Variants in WASF2 observed in about 807,000 individuals in gnomAD.
WASF2 encodes the protein actin-binding protein WASF2.
Under a neutral mutation model 45.0 loss-of-function variants are expected in WASF2, and 14 were observed. The observed-to-expected ratio is 0.31, with a 90% CI of 0.21 to 0.49. WASF2 has a LOEUF of 0.49. Ranked by LOEUF, WASF2 falls within the 20% of genes least tolerant of loss-of-function variation. WASF2 has a pLI of 0.99. For synonymous variants in WASF2, 200 were observed against 236.3 expected (o/e 0.85, Z 1.41); for missense variants, 439 against 636.1 (o/e 0.69, Z 3.33).
rs2016745565 is a variant in WASF2, at chr1:27,410,326, T to TA, written c.825-121dup. On this transcript the variant is annotated intron_variant, in intron 7 of 8. Transcript: ENST00000618852. This position sits in a 1 kb window ranked among gnomAD's most constrained non-coding sequence, Gnocchi z 4.2. ...TTGACTATACCATTTCACTTTCACT[T>TA]AAACAGAAAGAAAAGCCTACAGATG... 6.8e-7 allele frequency: 1 copy of TA among 1,473,498 alleles called. No individual in the cohort carries two copies. The highest frequency in any genetic ancestry group is 9.0e-7 in the Non-Finnish European group (1 of 1,108,854). 91.3% of individuals were successfully genotyped at this position (1,473,498 alleles called of 1,614,324 possible). A position where few individuals can be genotyped will look rare whatever the true frequency, so the allele number is the denominator to read the frequency against.
intron 2 of WASF2, among the ~76,000 whole-genome samples, chr1:27,427,591 T>C (rs1213259337): frequency 6.6e-6 from 1 of 152,148 alleles, no homozygotes; most frequent in Non-Finnish European, 1.5e-5. Context: ...CCATCTAGGT[T>C]TCTCTAAGCC....
At chr1:27,468,034 A>T (rs2017639474) in intron 1 of WASF2, among the ~76,000 whole-genome samples, 1 of 152,076 alleles carries the variant, frequency 6.6e-6, no homozygotes, top group African/African-American at 2.4e-5. Flanking sequence ...CCTGGGTTAA[A>T]GCAATTCTCG....
chr1:27,473,669 T>C (rs2017724994), intron 1 of WASF2, among the ~76,000 whole-genome samples: 1 of 152,130 alleles, frequency 6.6e-6, no homozygotes, highest in African/African-American at 2.4e-5. Context: ...GTTAAGTTCC[T>C]ATAGCATATT....
intron 1 of WASF2, among the ~76,000 whole-genome samples, chr1:27,487,547 ATT>A (rs1375960160): frequency 4.7e-5 from 5 of 107,126 alleles, no homozygotes; most frequent in African/African-American, 1.5e-4. Context: ...TATAATATAT[ATT>A]ATATATATTT....
At chr1:27,489,819 G>A (rs965439287) in intron 1 of WASF2, among the ~76,000 whole-genome samples, 167 bp downstream of exon 1, 1 of 152,154 alleles carries the variant, frequency 6.6e-6, no homozygotes, top group African/African-American at 2.4e-5. Flanking sequence ...TGAGGGGGTG[G>A]GGTGGACTAA....
chr1:27,468,121 TG>T (rs2017640343), intron 1 of WASF2, among the ~76,000 whole-genome samples: 1 of 152,052 alleles, frequency 6.6e-6, no homozygotes, highest in Non-Finnish European at 1.5e-5. Flanking sequence ...TTAGTATAGA[TG>T]GGGTTTTACC....
intron 3 of WASF2, 104 bp downstream of exon 3, chr1:27,418,850 G>C: frequency 5.7e-6 from 8 of 1,392,404 alleles, no homozygotes; most frequent in Non-Finnish European, 7.7e-6. Flanking sequence ...ATAGGTCTCT[G>C]TGATTTCTCT....
intron 1 of WASF2, among the ~76,000 whole-genome samples, chr1:27,487,685 A>G (rs2017963160): frequency 9.0e-6 from 1 of 111,704 alleles, no homozygotes; most frequent in South Asian, 2.3e-4. Context: ...TTTATATAAT[A>G]TATAATATAT....
At chr1:27,421,545 G>T (rs767712008) in intron 2 of WASF2, among the ~76,000 whole-genome samples, 69 of 152,192 alleles carry the variant, frequency 4.5e-4, no homozygotes, top group Admixed American at 7.9e-4. Flanking sequence ...GCCAGGCGTG[G>T]TGGCTCATGA....
chr1:27,488,070 C>T (rs906888049), intron 1 of WASF2, among the ~76,000 whole-genome samples: 2 of 151,948 alleles, frequency 1.3e-5, no homozygotes, highest in Non-Finnish European at 2.9e-5. Context: ...CTTCCTTCCT[C>T]CTGTAGTTGC....
chr1:27,419,110 A>C (rs1414609092), intron 2 of WASF2, 22 bp from the exon 3 acceptor site: 1 of 1,612,830 alleles, frequency 6.2e-7, no homozygotes, highest in African/African-American at 1.3e-5. Context: ...AAAGAAACCA[A>C]GTCACTAGTG....
At chr1:27,425,555 T>C (rs1359374280) in intron 2 of WASF2, among the ~76,000 whole-genome samples, 2 of 151,908 alleles carry the variant, frequency 1.3e-5, no homozygotes, top group Admixed American at 6.6e-5. Context: ...ATACAAAAAA[T>C]TGGCCAGGCG....
rs1454327980 is a variant in WASF2, at chr1:27,410,655, C to T, written c.825-449G>A. ...TAAAAATTCAAACACCACCCACACA[C>T]TAGGCTCTGTTTCTCAGGCTATTAA... On this transcript the variant is annotated intron_variant, in intron 7 of 8. Transcript: ENST00000618852. This position sits in a 1 kb window ranked among gnomAD's most constrained non-coding sequence, Gnocchi z 4.2. Among the ~76,000 whole-genome samples the T allele has an allele frequency of 6.6e-6, 1 of 152,202 alleles. No homozygotes were observed. Among genetic ancestry groups the T allele is most frequent in the African/African-American group, 2.4e-5 (1 of 41,452 alleles).
chr1:27,417,831 C>A (rs2016847276), intron 4 of WASF2, among the ~76,000 whole-genome samples: 3 of 152,192 alleles, frequency 2.0e-5, no homozygotes. Context: ...AAGAGGCTGG[C>A]CCCACTAACA....
intron 1 of WASF2, among the ~76,000 whole-genome samples, chr1:27,437,499 C>G (rs546801808): frequency 1.3e-5 from 2 of 152,116 alleles, no homozygotes; most frequent in Non-Finnish European, 2.9e-5. Context: ...AAGATTTACC[C>G]GCATAAAGTA....
rs1053465134 is a variant in WASF2, at chr1:27,465,924, G to A, written c.-44+24062C>T. 3.3e-5 allele frequency among the ~76,000 whole-genome samples: 5 copies of A among 152,256 alleles called. No individual in the cohort carries two copies. The East Asian group carries it at 9.7e-4, about 29-fold the overall frequency. On this transcript the variant is annotated intron_variant, in intron 1 of 8. Transcript: ENST00000618852. ...AAAGACTGCTGAAATTATGTCAAAA[G>A]GAATCAGGAGCTAGCTTGAAGAACT... is the stretch of plus-strand genomic sequence containing the variant.
chr1:27,437,072 C>A (rs1026708653), intron 1 of WASF2, among the ~76,000 whole-genome samples: 6 of 152,182 alleles, frequency 3.9e-5, no homozygotes, highest in Non-Finnish European at 7.4e-5. Flanking sequence ...CATTCATTCA[C>A]ACCTGGTAAT....
chr1:27,410,227 A>C lies in WASF2; in HGVS notation c.825-21T>G, dbSNP rs1557594916. On this transcript the variant is annotated intron_variant, in intron 7 of 8. Coordinates refer to ENST00000618852, the MANE Select transcript of WASF2 (RefSeq NM_006990.5). The surrounding 1 kb of genome is among the most constrained non-coding windows in gnomAD (Gnocchi z 4.2). ...GGTAACTAAAAGGCCAAAGAAAAAA[A>C]GACTCACCATCACCCTTAGAATGCA... 2 of 1,613,802 alleles carry C rather than the reference A, an allele frequency of 1.2e-6. No homozygotes were observed. The highest frequency in any genetic ancestry group is 1.7e-6 in the Non-Finnish European group (2 of 1,179,852).
At chr1:27,453,845 C>T (rs944766536) in intron 1 of WASF2, among the ~76,000 whole-genome samples, 3 of 151,780 alleles carry the variant, frequency 2.0e-5, no homozygotes, top group East Asian at 1.9e-4. Context: ...GCTGGGATCA[C>T]GCCACTGCAC....
Sources: allele counts gnomAD v4.1 joint callset (sites outside exome capture counted in the v4.1 genomes callset), GRCh38; gene constraint gnomAD v4.1.1; non-coding constraint Gnocchi (gnomAD v3.1); transcripts MANE v1.5; gene names NCBI Gene and HGNC (gene_info 2026-07-23, HGNC 2026-07-21).